HTR4: variants seen among roughly 807,000 people sequenced by gnomAD.
The protein encoded by HTR4 is 5-hydroxytryptamine (serotonin) receptor 4, G protein-coupled.
A neutral mutation model predicts 36.8 loss-of-function variants in HTR4; 16 were observed. That is an observed-to-expected ratio of 0.43 (90% CI 0.29 to 0.66). The LOEUF (loss-of-function observed/expected upper bound fraction) is 0.66. Ranked by LOEUF, HTR4 falls within the 30% of genes least tolerant of loss-of-function variation. The pLI, the probability that HTR4 is intolerant of heterozygous loss-of-function variation, is 0.13. For synonymous variants in HTR4, 189 were observed against 185.1 expected (o/e 1.02, Z -0.17); for missense variants, 438 against 490.9 (o/e 0.89, Z 1.02).
intron 2 of HTR4, among the ~76,000 whole-genome samples, chr5:148,615,741 A>G (rs148669798): frequency 6.6e-6 from 1 of 151,850 alleles, no homozygotes; most frequent in African/African-American, 2.4e-5. Flanking sequence ...ATAAAATAAA[A>G]TAAAGCTCCT....
At chr5:148,548,449 T>C (rs950500692) in intron 4 of HTR4, among the ~76,000 whole-genome samples, 2 of 152,210 alleles carry the variant, frequency 1.3e-5, no homozygotes, top group African/African-American at 4.8e-5. Context: ...AGACAAGTTA[T>C]AGGTCTTACT....
chr5:148,475,561 C>T (rs980040120), downstream of HTR4, among the ~76,000 whole-genome samples: 3 of 152,164 alleles, frequency 2.0e-5, no homozygotes, highest in Non-Finnish European at 4.4e-5. Flanking sequence ...TCTGTGACTC[C>T]ACAGCCAAAT....
At chr5:148,590,365 C>A (rs1218079732) in intron 2 of HTR4, among the ~76,000 whole-genome samples, 2 of 108,638 alleles carry the variant, frequency 1.8e-5, no homozygotes, top group African/African-American at 7.6e-5. Context: ...ATGGCGTGAT[C>A]TTGGCTCACC....
rs1283126544 is a variant in HTR4 at position 148,482,397 on chromosome 5, G to T, written c.*806C>A. 4.1e-6 allele frequency: 4 copies of T among 985,490 alleles called. No individual in the cohort carries two copies. The East Asian group carries it at 4.5e-4, about 112-fold the overall frequency. 61.0% of individuals were successfully genotyped at this position (985,490 alleles called of 1,614,324 possible). On this transcript the variant is annotated 3_prime_UTR_variant, in exon 7 of 7. Coordinates refer to ENST00000377888, the MANE Select transcript of HTR4 (RefSeq NM_000870.7). The stretch of plus-strand genomic sequence containing the variant: ...TCCCGTTCTAGCCCAGCAGGAGAGC[G>T]AGCATCTCAGGGCAGACACGCCAGC...
chr5:148,582,862 C>T (rs1184132397), intron 2 of HTR4, among the ~76,000 whole-genome samples: 2 of 152,038 alleles, frequency 1.3e-5, no homozygotes, highest in East Asian at 3.9e-4. Context: ...TATAGATATA[C>T]AATCATGTCG....
At chr5:148,520,364 C>A (rs554965955) in intron 5 of HTR4, among the ~76,000 whole-genome samples, 1 of 152,148 alleles carries the variant, frequency 6.6e-6, no homozygotes, top group Non-Finnish European at 1.5e-5. Context: ...TCTAAGTGAA[C>A]AAAAACTTTC....
At chr5:148,563,135 G>T (rs1760287880) in intron 2 of HTR4, among the ~76,000 whole-genome samples, 1 of 152,114 alleles carries the variant, frequency 6.6e-6, no homozygotes, top group Non-Finnish European at 1.5e-5. Context: ...CTGGCCACTG[G>T]CTGCTTCCAT....
intron 2 of HTR4, among the ~76,000 whole-genome samples, chr5:148,606,472 A>C (rs965935901): frequency 3.3e-5 from 5 of 152,344 alleles, no homozygotes; most frequent in African/African-American, 1.2e-4. Context: ...AGCTATGTAC[A>C]TATTTAAATT....
intron 2 of HTR4, among the ~76,000 whole-genome samples, chr5:148,563,495 T>G (rs1407030062): frequency 6.6e-6 from 1 of 152,220 alleles, no homozygotes. Context: ...AAGCAAGAAC[T>G]TGGGCTGTTA....
intron 4 of HTR4, among the ~76,000 whole-genome samples, chr5:148,523,924 A>C (rs1758141658): frequency 6.6e-6 from 1 of 151,962 alleles, no homozygotes; most frequent in Non-Finnish European, 1.5e-5. Flanking sequence ...CTGGGCTCTA[A>C]CCACTGTGTC....
intron 2 of HTR4, among the ~76,000 whole-genome samples, chr5:148,574,783 C>A (rs898049403): frequency 2.0e-5 from 3 of 152,078 alleles, no homozygotes; most frequent in East Asian, 1.9e-4. Context: ...TCAGGGAAAT[C>A]ATTTATCATT....
chr5:148,610,030 T>C (rs1331943341), intron 2 of HTR4, among the ~76,000 whole-genome samples: 1 of 152,184 alleles, frequency 6.6e-6, no homozygotes, highest in Non-Finnish European at 1.5e-5. Flanking sequence ...ATTTTATAAG[T>C]TCCAGAAGGA....
chr5:148,533,856 A>G (rs1045396569), intron 4 of HTR4, among the ~76,000 whole-genome samples: 1 of 152,202 alleles, frequency 6.6e-6, no homozygotes, highest in Non-Finnish European at 1.5e-5. Flanking sequence ...AGTTCTTGGC[A>G]CATAAATATC....
intron 6 of HTR4, among the ~76,000 whole-genome samples, chr5:148,507,569 A>C (rs1581397922): frequency 8.0e-6 from 1 of 124,980 alleles, no homozygotes; most frequent in East Asian, 2.5e-4. Context: ...ATACCATATA[A>C]GTTTCTTCAA....
rs1003947007 is a variant in HTR4, at chr5:148,523,231, T to C, written c.469A>G (p.Ile157Val). ...VIPTFISFLP[I>V]MQGWNNIGII... ...CCAATGTTATTCCAGCCTTGCATTA[T>C]AGGGAGAAAAGAAATAAACGTGGGG... The change falls in exon 5 of 7, where the codon ATA becomes GTA. Residue 157 changes from isoleucine (I) to valine (V), a missense_variant. Coordinates refer to ENST00000377888, the MANE Select transcript of HTR4 (RefSeq NM_000870.7). The C allele has an allele frequency of 1.2e-6, 2 of 1,613,546 alleles. No homozygotes were observed. The highest frequency in any genetic ancestry group is 8.5e-7 in the Non-Finnish European group (1 of 1,179,786).
At position 148,509,902 on chromosome 5, in the gene HTR4, C is replaced by T; in HGVS notation, c.630G>A (p.Leu210=). Residue 210 remains leucine (L), a synonymous_variant, in exon 6 of 7, where the codon CTG becomes CTA. Coordinates refer to ENST00000377888, the MANE Select transcript of HTR4 (RefSeq NM_000870.7). ...CTGTGACATAGATGCGGTAATAGGCCAGCACCATGAGGAGAAATGGGATGT... is the reference window on the plus strand; with the variant it reads ...CTGTGACATAGATGCGGTAATAGGCTAGCACCATGAGGAGAAATGGGATGT... ...AFYIPFLLMV[L]AYYRIYVTAK... 6.2e-7 allele frequency: 1 copy of T among 1,613,958 alleles called. No individual in the cohort carries two copies. Among genetic ancestry groups the T allele is most frequent in the Non-Finnish European group, 8.5e-7 (1 of 1,179,980 alleles).
At chr5:148,481,370 T>C, downstream of HTR4, 1 of 591,794 alleles carries the variant, frequency 1.7e-6, no homozygotes, top group Non-Finnish European at 2.9e-6. Flanking sequence ...CCTGGTTCAA[T>C]CTGCTTCATT....
chr5:148,616,726 T>C (rs1752705294), intron 2 of HTR4, among the ~76,000 whole-genome samples: 1 of 152,168 alleles, frequency 6.6e-6, no homozygotes, highest in Non-Finnish European at 1.5e-5. Context: ...AATACCTTGG[T>C]GCATATCATT....
chr5:148,590,165 C>G (rs192460532), intron 2 of HTR4, among the ~76,000 whole-genome samples: 1 of 152,034 alleles, frequency 6.6e-6, no homozygotes, highest in Admixed American at 6.6e-5. Context: ...TAATGCCATA[C>G]GAGAAACTTC....
Sources: gnomAD v4.1 joint callset for allele counts (sites outside exome capture counted in the v4.1 genomes callset) on GRCh38, gnomAD v4.1.1 for gene constraint, MANE v1.5 for transcripts, NCBI Gene and HGNC (gene_info 2026-07-23, HGNC 2026-07-21) for gene names.